The following RAB5C variants were observed in gnomAD, a reference collection of about 807,000 sequenced individuals.
The protein encoded by RAB5C is RAB5C, member RAS oncogene family.
In RAB5C, 4 loss-of-function variants were observed where a neutral mutation model predicts 25.2. The ratio of observed to expected loss-of-function variants is 0.16; its 90% CI spans 0.08 to 0.36. RAB5C has a LOEUF of 0.36. Among genes scored for constraint, RAB5C ranks in the 10% least tolerant of loss-of-function variants. The pLI is 1.00. For missense variants in RAB5C, 199 were observed against 283.8 expected (o/e 0.70, Z 2.15); for synonymous variants, 100 against 106.4 (o/e 0.94, Z 0.37).
chr17:42,145,788 G>A (rs930849962), intron 1 of RAB5C, among the ~76,000 whole-genome samples: 1 of 152,224 alleles, frequency 6.6e-6, no homozygotes, highest in African/African-American at 2.4e-5. Context: ...TCCCAGTTGA[G>A]AAGAGATTCT....
At chr17:42,149,658 T>C (rs945846677) in intron 1 of RAB5C, among the ~76,000 whole-genome samples, 26 of 152,178 alleles carry the variant, frequency 1.7e-4, no homozygotes, top group African/African-American at 6.3e-4. Flanking sequence ...TAATCTATAA[T>C]AGTTACAGGA....
At position 42,128,253 on chromosome 17, in the gene RAB5C, C is replaced by T; in HGVS notation, c.441+8G>A. On this transcript the variant is annotated splice_region_variant and intron_variant, in intron 4 of 5. Coordinates refer to ENST00000346213, the MANE Select transcript of RAB5C (RefSeq NM_004583.4). ...CCACTCCTTCCCCCAAGTCTGTCAT[C>T]TCCCCACCTGGAATTCCACGGCTCT... The T allele has an allele frequency of 1.2e-6, 2 of 1,612,408 alleles. No individual in the cohort carries two copies. Among genetic ancestry groups the T allele is most frequent in the African/African-American group, 1.3e-5 (1 of 75,010 alleles).
intron 1 of RAB5C, among the ~76,000 whole-genome samples, chr17:42,137,415 T>G (rs2054548578): frequency 6.6e-6 from 1 of 152,142 alleles, no homozygotes; most frequent in Non-Finnish European, 1.5e-5. Context: ...CGAGCTGTAT[T>G]TACAATTTGT....
intron 1 of RAB5C, among the ~76,000 whole-genome samples, chr17:42,149,198 C>T (rs992137744): frequency 6.6e-6 from 1 of 152,132 alleles, no homozygotes; most frequent in African/African-American, 2.4e-5. Flanking sequence ...TCTCAAACAG[C>T]CCCAACATAT....
At chr17:42,133,375 C>A (rs959287129) in intron 1 of RAB5C, among the ~76,000 whole-genome samples, 1 of 152,068 alleles carries the variant, frequency 6.6e-6, no homozygotes, top group African/African-American at 2.4e-5. Flanking sequence ...ACCTACAGGT[C>A]GAGAAAAATA....
At chr17:42,151,678 A>C (rs1021318745) in intron 1 of RAB5C, among the ~76,000 whole-genome samples, 1 of 152,100 alleles carries the variant, frequency 6.6e-6, no homozygotes, top group Non-Finnish European at 1.5e-5. Flanking sequence ...TACTCACTTT[A>C]ACTTTCATTT....
At position 42,145,000 on chromosome 17, in the gene RAB5C, AAAAAATAC is replaced by A. The variant is rs1190910818; in HGVS notation, c.-89+9885_-89+9892del. 1.5e-4 allele frequency among the ~76,000 whole-genome samples: 21 copies of A among 139,324 alleles called. No homozygotes were observed. In the South Asian group the frequency reaches 2.1e-3, roughly 14 times the overall value. 91.4% of individuals were successfully genotyped at this position (139,324 alleles called of 152,430 possible). Reference sequence around the variant, plus strand: ...AAAAAAGAAACCCCATCTCTACTAAAAAAAATACAAAAAAATTAGCCGGGTGTGGTGGC... The same window carrying A: ...AAAAAAGAAACCCCATCTCTACTAAAAAAAAAATTAGCCGGGTGTGGTGGC... On this transcript the variant is annotated intron_variant, in intron 1 of 5. Coordinates refer to ENST00000346213, the MANE Select transcript of RAB5C (RefSeq NM_004583.4).
chr17:42,153,318 G>A (rs137909705), intron 1 of RAB5C, among the ~76,000 whole-genome samples: 5,556 of 152,204 alleles, frequency 0.037, 147 homozygotes, highest in Middle Eastern at 0.096. Flanking sequence ...TCAGGAGGCT[G>A]AGGCAAGAGA....
chr17:42,146,947 C>T (rs2079638746), intron 1 of RAB5C, among the ~76,000 whole-genome samples: 1 of 151,586 alleles, frequency 6.6e-6, no homozygotes, highest in Admixed American at 6.6e-5. Flanking sequence ...TTGCAGTGAG[C>T]CGAGATCGTA....
intron 1 of RAB5C, among the ~76,000 whole-genome samples, chr17:42,144,713 G>A (rs1386871823): frequency 6.6e-6 from 1 of 151,804 alleles, no homozygotes; most frequent in Non-Finnish European, 1.5e-5. Flanking sequence ...CGGATCACGA[G>A]GTCAGGAGAT....
At chr17:42,128,829 A>G in intron 2 of RAB5C, 29 bp from the exon 3 acceptor site, 1 of 1,435,200 alleles carries the variant, frequency 7.0e-7, no homozygotes, top group Admixed American at 2.5e-5. Flanking sequence ...GTCCATGGGC[A>G]AGAGCGAGTT....
At chr17:42,151,342 T>C (rs1409137216) in intron 1 of RAB5C, among the ~76,000 whole-genome samples, 1 of 150,644 alleles carries the variant, frequency 6.6e-6, no homozygotes, top group East Asian at 2.0e-4. Context: ...GAGGCTGAGG[T>C]AGGAGAATGG....
Position 42,125,566 on chromosome 17 carries a change from G to C in RAB5C, c.*217C>G. On this transcript the variant is annotated 3_prime_UTR_variant, in exon 6 of 6. Transcript: ENST00000346213. ...AGAAGATCATATATATTAAAAAAGTGACTTAAGACTTAAAATTGAATTAGT... is the reference window on the plus strand; with the variant it reads ...AGAAGATCATATATATTAAAAAAGTCACTTAAGACTTAAAATTGAATTAGT... 1.9e-6 allele frequency: 1 copy of C among 534,442 alleles called. No homozygotes were observed. 33.1% of individuals were successfully genotyped at this position (534,442 alleles called of 1,614,324 possible).
intron 1 of RAB5C, among the ~76,000 whole-genome samples, chr17:42,143,835 G>C (rs920351611): frequency 1.3e-5 from 2 of 151,882 alleles, no homozygotes; most frequent in African/African-American, 4.8e-5. Flanking sequence ...GCCCAGGCTG[G>C]GGTGCAGTGG....
At chr17:42,144,527 A>C (rs2079620425) in intron 1 of RAB5C, among the ~76,000 whole-genome samples, 1 of 149,172 alleles carries the variant, frequency 6.7e-6, no homozygotes, top group Non-Finnish European at 1.5e-5. Flanking sequence ...AGAATTTAAT[A>C]ATTCAGCTGG....
chr17:42,138,549 C>T (rs2054560579), intron 1 of RAB5C, among the ~76,000 whole-genome samples: 1 of 152,214 alleles, frequency 6.6e-6, no homozygotes. Context: ...CAGAGGGGCA[C>T]TGAAGGTGAG....
Position 42,125,095 on chromosome 17 carries a change from T to G in RAB5C, c.*688A>C. The G allele has an allele frequency of 6.9e-6, 1 of 145,124 alleles. No homozygotes were observed. The highest frequency in any genetic ancestry group is 1.5e-5 in the Non-Finnish European group (1 of 65,366). 9.0% of individuals were successfully genotyped at this position (145,124 alleles called of 1,614,324 possible). A position where few individuals can be genotyped will look rare whatever the true frequency, so the allele number is the denominator to read the frequency against. On this transcript the variant is annotated 3_prime_UTR_variant, in exon 6 of 6. Coordinates refer to ENST00000346213, the MANE Select transcript of RAB5C (RefSeq NM_004583.4). ...TTCCGTCCCCTCCCACTCCCCCCCT[T>G]ACCCACCCACCCCCAAATACTCATC...
At chr17:42,139,171 G>C (rs1870175035) in intron 1 of RAB5C, among the ~76,000 whole-genome samples, 3 of 152,232 alleles carry the variant, frequency 2.0e-5, no homozygotes, top group African/African-American at 7.2e-5. Context: ...CCATGGATCT[G>C]CTAGCACAGC....
chr17:42,152,779 CAA>C (rs142043898), intron 1 of RAB5C, among the ~76,000 whole-genome samples: 29 of 117,784 alleles, frequency 2.5e-4, no homozygotes, highest in East Asian at 7.2e-4. Context: ...GCTCTGTCTC[CAA>C]AAAAAAAAAA....
Sources: allele counts gnomAD v4.1 joint callset (sites outside exome capture counted in the v4.1 genomes callset), GRCh38; gene constraint gnomAD v4.1.1; transcripts MANE v1.5; gene names NCBI Gene and HGNC (gene_info 2026-07-23, HGNC 2026-07-21).